The following SETD2 variants were observed in gnomAD, a reference collection of about 807,000 sequenced individuals.
SETD2 encodes histone-lysine N-methyltransferase SETD2.
Under a neutral mutation model 242.1 loss-of-function variants are expected in SETD2, and 31 were observed. That is an observed-to-expected ratio of 0.13 (90% CI 0.10 to 0.17). SETD2 has a LOEUF of 0.17. Among genes scored for constraint, SETD2 ranks in the 10% least tolerant of loss-of-function variants. SETD2 has a pLI of 1.00. For missense variants in SETD2, 2,481 were observed against 3,046.3 expected, an observed-to-expected ratio of 0.81 and a Z score of 4.37; for synonymous variants, 1,006 against 1,066.5, an observed-to-expected ratio of 0.94 and a Z score of 1.11.
intron 18 of SETD2, among the ~76,000 whole-genome samples, chr3:47,028,174 C>A (rs1369969142): frequency 1.3e-5 from 2 of 152,140 alleles, no homozygotes; most frequent in Non-Finnish European, 2.9e-5. Flanking sequence ...CATTAAGCAG[C>A]ACTAAACTAT....
chr3:47,026,321 T>G (rs994242978), intron 18 of SETD2, among the ~76,000 whole-genome samples: 1 of 151,868 alleles, frequency 6.6e-6, no homozygotes, highest in Non-Finnish European at 1.5e-5. Flanking sequence ...ACCGGAGAGG[T>G]TGTGGAAAAT....
chr3:47,058,385 G>A, intron 14 of SETD2, among the ~76,000 whole-genome samples: 1 of 132,444 alleles, frequency 7.6e-6, no homozygotes, highest in East Asian at 2.4e-4. Flanking sequence ...AGGTGGGAGT[G>A]AGCTGAGACT....
chr3:47,093,448 TA>T (rs1186122313), intron 9 of SETD2, among the ~76,000 whole-genome samples: 1 of 152,014 alleles, frequency 6.6e-6, no homozygotes, highest in African/African-American at 2.4e-5. Context: ...TACACTTGGC[TA>T]ATTTTTGTAT....
chr3:47,122,816 G>A lies in SETD2; in HGVS notation c.1820C>T (p.Pro607Leu), dbSNP rs2106688192. The change falls in exon 3 of 21, where the codon CCT (proline) becomes CTT (leucine). Residue 607 changes from proline to leucine, a missense_variant. This residue lies in a region of SETD2 where 1,300 missense variants were observed against 1,259.2 expected (regional missense o/e 1.03). Coordinates refer to ENST00000409792, the MANE Select transcript of SETD2 (RefSeq NM_014159.7). ...TGGAGACCCAGCCTTTTCTCTTTCA[G>A]GATTTTTATTAATCATTCTTAATTC... Reference protein sequence around the residue: ...GSELRMINKNPEREKAGSPAP... With the variant: ...GSELRMINKNLEREKAGSPAP... 1 of 1,613,352 alleles carries A rather than the reference G, an allele frequency of 6.2e-7. No homozygotes were observed. The highest frequency in any genetic ancestry group is 1.7e-4 in the Middle Eastern group (1 of 6,054).
At chr3:47,049,884 ATATAT>A (rs554274948) in intron 15 of SETD2, among the ~76,000 whole-genome samples, 3,648 of 134,792 alleles carry the variant, frequency 0.027, 78 homozygotes, top group Non-Finnish European at 0.038. Flanking sequence ...AGTTTATAGT[ATATAT>A]TATATATATA....
intron 17 of SETD2, among the ~76,000 whole-genome samples, chr3:47,040,074 T>G (rs2107533806): frequency 6.6e-6 from 1 of 151,328 alleles, no homozygotes; most frequent in African/African-American, 2.4e-5. Flanking sequence ...CCTCCAGGGT[T>G]CAAGTAATTC....
chr3:47,029,845 A>G (rs2038682514), intron 18 of SETD2, among the ~76,000 whole-genome samples: 1 of 152,194 alleles, frequency 6.6e-6, no homozygotes, highest in Non-Finnish European at 1.5e-5. Flanking sequence ...CTTGACTACA[A>G]AAAGCGGACA....
intron 5 of SETD2, among the ~76,000 whole-genome samples, chr3:47,112,978 G>A (rs1575796653): frequency 6.6e-6 from 1 of 152,110 alleles, no homozygotes; most frequent in African/African-American, 2.4e-5. Flanking sequence ...ACCTTTTGCT[G>A]TATTACATTA....
At chr3:47,050,723 C>CCTTTTTTTTTTTTTT (rs1483439791) in intron 15 of SETD2, among the ~76,000 whole-genome samples, 1 of 66,878 alleles carries the variant, frequency 1.5e-5, no homozygotes, top group Non-Finnish European at 2.6e-5. Flanking sequence ...TTTCCTCTCT[C>CCTTTTTTTTTTTTTT]TTTTTTTTTT....
chr3:47,119,948 T>C (rs1044031727), intron 3 of SETD2, among the ~76,000 whole-genome samples: 1 of 143,176 alleles, frequency 7.0e-6, no homozygotes, highest in Non-Finnish European at 1.5e-5. Context: ...AAACAAGTAA[T>C]GAAAGAAAAA....
In SETD2 at chr3:47,164,048, G is replaced by A. The variant is rs988157707; in HGVS notation, c.-124C>T. On this transcript the variant is annotated 5_prime_UTR_variant, in exon 1 of 21. Transcript: ENST00000409792. This position sits in a 1 kb window ranked among gnomAD's most constrained non-coding sequence, Gnocchi z 5.4. The stretch of plus-strand genomic sequence containing the variant: ...CGGCGGCGGCGGCGGCGGCGGCAGG[G>A]GCGGCCCGCGTCGCTACCTCGCTCG... The A allele has an allele frequency of 7.5e-6, 9 of 1,206,848 alleles. No individual in the cohort carries two copies. The highest frequency in any genetic ancestry group is 9.3e-6 in the Non-Finnish European group (9 of 966,198). 74.8% of individuals were successfully genotyped at this position (1,206,848 alleles called of 1,614,324 possible).
At chr3:47,126,216 T>C (rs1219380542) in intron 2 of SETD2, among the ~76,000 whole-genome samples, 1 of 152,166 alleles carries the variant, frequency 6.6e-6, no homozygotes, top group African/African-American at 2.4e-5. Context: ...GAGATGGGGT[T>C]TCACCATGTT....
rs545961277 is a variant in SETD2, at chr3:47,016,919, T to C, written c.*174A>G. ...CAGCTCACAACTAGGTAATCACTTG[T>C]AGATGGAGTTCATTTTTGTGGCCTT... On this transcript the variant is annotated 3_prime_UTR_variant, in exon 21 of 21. Coordinates refer to ENST00000409792, the MANE Select transcript of SETD2 (RefSeq NM_014159.7). 105 of 620,330 alleles carry C rather than the reference T, an allele frequency of 1.7e-4. No homozygotes were observed. The African/African-American group carries it at 1.7e-3, about 10-fold the overall frequency. The allele number at this position is 620,330 out of a possible 1,614,324, so 38.4% of individuals were successfully genotyped here. A position where few individuals can be genotyped will look rare whatever the true frequency, so the allele number is the denominator to read the frequency against.
intron 2 of SETD2, among the ~76,000 whole-genome samples, chr3:47,125,768 G>C (rs1230790855): frequency 7.2e-5 from 11 of 152,206 alleles, no homozygotes; most frequent in Admixed American, 7.2e-4. Flanking sequence ...GTTAGCCTTG[G>C]AAGTTCAAGG....
At chr3:47,072,975 A>T (rs992989365) in intron 12 of SETD2, among the ~76,000 whole-genome samples, 1 of 144,090 alleles carries the variant, frequency 6.9e-6, no homozygotes, top group Non-Finnish European at 1.5e-5. Flanking sequence ...AGAAAGAAAG[A>T]AAAAAAAAAA....
At chr3:47,156,241 A>T (rs891150768) in intron 1 of SETD2, among the ~76,000 whole-genome samples, 1 of 152,228 alleles carries the variant, frequency 6.6e-6, no homozygotes, top group African/African-American at 2.4e-5. Context: ...ACAAATATCT[A>T]TTACAGAATA....
rs762521732 is a variant in SETD2 at position 47,121,496 on chromosome 3, T to C, written c.3140A>G (p.Asp1047Gly). Residue 1047 changes from aspartate to glycine, a missense_variant, in exon 3 of 21, where the codon GAT (aspartate) becomes GGT (glycine). Around this residue, in one of 17 missense-constraint regions of SETD2, gnomAD observed 1,300 missense variants for 1,259.2 expected, o/e 1.03. Coordinates refer to ENST00000409792, the MANE Select transcript of SETD2 (RefSeq NM_014159.7). ...ATCTGTATCTTCTGAATCACTTTCA[T>C]CATTTGAACTTTCAGAAGAGCCAGA... ...DYSGSSESSNDESDSEDTDSD... is the reference protein window; with the variant it reads ...DYSGSSESSNGESDSEDTDSD... The C allele has an allele frequency of 6.2e-7, 1 of 1,614,090 alleles. No individual in the cohort carries two copies. Among genetic ancestry groups the C allele is most frequent in the Non-Finnish European group, 8.5e-7 (1 of 1,180,022 alleles).
intron 18 of SETD2, among the ~76,000 whole-genome samples, chr3:47,026,888 T>C (rs965466259): frequency 2.0e-5 from 3 of 152,024 alleles, no homozygotes; most frequent in Non-Finnish European, 2.9e-5. Flanking sequence ...CAAACCACCA[T>C]GGCACGTGTA....
intron 17 of SETD2, among the ~76,000 whole-genome samples, chr3:47,039,683 C>G (rs1348662259): frequency 7.4e-6 from 1 of 135,544 alleles, no homozygotes; most frequent in African/African-American, 2.8e-5. Flanking sequence ...CTGGCCAACA[C>G]GGTTAAACCC....
Sources: allele counts gnomAD v4.1 joint callset (sites outside exome capture counted in the v4.1 genomes callset), GRCh38; gene constraint gnomAD v4.1.1; regional missense constraint gnomAD v4.1.1; non-coding constraint Gnocchi (gnomAD v3.1); transcripts MANE v1.5; gene names NCBI Gene and HGNC (gene_info 2026-07-23, HGNC 2026-07-21).